Variants in GHR observed in about 807,000 individuals in gnomAD.
GHR encodes the protein growth hormone receptor.
Under a neutral mutation model 67.1 loss-of-function variants are expected in GHR, and 35 were observed. The observed-to-expected ratio is 0.52, with a 90% CI of 0.40 to 0.69. GHR has a LOEUF of 0.69. GHR is among the 30% of genes least tolerant of loss of function. The pLI is 0.00. For missense variants in GHR, 792 were observed against 764.6 expected, an observed-to-expected ratio of 1.04 and a Z score of -0.42; for synonymous variants, 272 against 269.1, an observed-to-expected ratio of 1.01 and a Z score of -0.10.
At chr5:42,678,592 A>C (rs914533422) in intron 3 of GHR, among the ~76,000 whole-genome samples, 18 of 152,354 alleles carry the variant, frequency 1.2e-4, no homozygotes, top group African/African-American at 4.3e-4. Context: ...AAATAATTTC[A>C]GGAGTAACTT....
Position 42,695,006 on chromosome 5 carries a change from C to T in GHR, c.356C>T (p.Thr119Ile). 6.2e-7 allele frequency: 1 copy of T among 1,609,154 alleles called. No homozygotes were observed. The highest frequency in any genetic ancestry group is 1.1e-5 in the South Asian group (1 of 90,966). The stretch of plus-strand genomic sequence containing the variant: ...AGCTGTTACTTTAATTCATCGTTTA[C>T]CTCCATCTGGATACCTTATTGTATC... ...ENSCYFNSSF[T>I]SIWIPYCIKL... Residue 119 changes from threonine (T) to isoleucine (I), a missense_variant, in exon 5 of 10, where the codon ACC (threonine) becomes ATC (isoleucine). Thr to Ile is a moderately conservative substitution (Grantham distance 89, BLOSUM62 -1). Transcript: ENST00000230882.
chr5:42,679,324 T>A (rs1756738619), intron 3 of GHR, among the ~76,000 whole-genome samples: 1 of 151,028 alleles, frequency 6.6e-6, no homozygotes, highest in Non-Finnish European at 1.5e-5. Context: ...ACCAGTGCAG[T>A]GGTTAAGAAT....
At chr5:42,434,155 C>T (rs1743221912) in intron 1 of GHR, among the ~76,000 whole-genome samples, 1 of 152,102 alleles carries the variant, frequency 6.6e-6, no homozygotes, top group African/African-American at 2.4e-5. Flanking sequence ...TTTACAATGG[C>T]AGAGCTGACC....
At chr5:42,661,457 C>T (rs1459789425) in intron 3 of GHR, among the ~76,000 whole-genome samples, 1 of 152,184 alleles carries the variant, frequency 6.6e-6, no homozygotes, top group Non-Finnish European at 1.5e-5. Flanking sequence ...ATTCAACATT[C>T]TTAAAGAAAA....
At chr5:42,685,990 G>T (rs1156863533) in intron 3 of GHR, among the ~76,000 whole-genome samples, 2 of 152,078 alleles carry the variant, frequency 1.3e-5, no homozygotes, top group African/African-American at 2.4e-5. Context: ...TATTGCTTTT[G>T]GTGTCTTAGT....
At chr5:42,653,495 T>G (rs1755106019) in intron 3 of GHR, among the ~76,000 whole-genome samples, 1 of 152,098 alleles carries the variant, frequency 6.6e-6, no homozygotes, top group Non-Finnish European at 1.5e-5. Context: ...AAAGTCATAT[T>G]GAGCTTGTGA....
rs545945657 is a variant in GHR, at chr5:42,468,386, C to G, written c.-12+44431C>G. On this transcript the variant is annotated intron_variant, in intron 1 of 9. Coordinates refer to ENST00000230882, the MANE Select transcript of GHR (RefSeq NM_000163.5). The stretch of plus-strand genomic sequence containing the variant: ...CTGCCCAGCACAGGTCAAACCCCAT[C>G]TAAGCTTTATGTTTCAAAAGCTTCT... The G allele has an allele frequency of 5.5e-6, 7 of 1,263,146 alleles. No homozygotes were observed. The East Asian group carries it at 1.4e-4, about 26-fold the overall frequency. 78.2% of individuals were successfully genotyped at this position (1,263,146 alleles called of 1,614,324 possible).
At chr5:42,555,560 T>G (rs1749261510) in intron 1 of GHR, among the ~76,000 whole-genome samples, 1 of 152,182 alleles carries the variant, frequency 6.6e-6, no homozygotes, top group African/African-American at 2.4e-5. Context: ...AGAATTATTC[T>G]GTCTGTGTGA....
rs11373491 is a variant in GHR at position 42,636,209 on chromosome 5, C to CAAA, written c.136+7128_136+7130dup. 2.5e-3 allele frequency among the ~76,000 whole-genome samples: 208 copies of CAAA among 81,856 alleles called. 4 individuals are homozygous for CAAA. The highest frequency in any genetic ancestry group is 7.7e-3 in the African/African-American group (166 of 21,506). The allele number at this position is 81,856 out of a possible 152,430, so 53.7% of individuals were successfully genotyped here. A position where few individuals can be genotyped will look rare whatever the true frequency, so the allele number is the denominator to read the frequency against. ...TGGGCGACAGAGCGAGACCCCGTTT[C>CAAA]AAAAAAAAAAAAAAAAAAAAAAAAT... On this transcript the variant is annotated intron_variant, in intron 3 of 9. Transcript: ENST00000230882.
At chr5:42,488,451 T>G (rs1745974848) in intron 1 of GHR, among the ~76,000 whole-genome samples, 1 of 152,236 alleles carries the variant, frequency 6.6e-6, no homozygotes, top group Non-Finnish European at 1.5e-5. Context: ...TCTTATTTGC[T>G]CTCTGAAATA....
chr5:42,540,704 C>T (rs1038758182), intron 1 of GHR, among the ~76,000 whole-genome samples: 14 of 152,028 alleles, frequency 9.2e-5, no homozygotes, highest in Middle Eastern at 6.8e-3. Context: ...CCACCGCCCC[C>T]GCTCTCAGGC....
chr5:42,681,581 C>T (rs887135693), intron 3 of GHR, among the ~76,000 whole-genome samples: 3 of 152,112 alleles, frequency 2.0e-5, no homozygotes, highest in African/African-American at 7.2e-5. Flanking sequence ...CTAGAAATAC[C>T]ATATGACCCA....
At chr5:42,581,687 C>T (rs188068707) in intron 2 of GHR, among the ~76,000 whole-genome samples, 19 of 152,262 alleles carry the variant, frequency 1.2e-4, no homozygotes, top group African/African-American at 4.3e-4. Flanking sequence ...CATCTGGAGC[C>T]GCTGCTGTGA....
At chr5:42,603,384 G>A (rs1752475486) in intron 2 of GHR, among the ~76,000 whole-genome samples, 1 of 152,030 alleles carries the variant, frequency 6.6e-6, no homozygotes, top group Non-Finnish European at 1.5e-5. Context: ...GGATCTGGAT[G>A]TTTATTTTCT....
intron 2 of GHR, among the ~76,000 whole-genome samples, chr5:42,622,200 G>A (rs1190908651): frequency 6.6e-6 from 1 of 152,132 alleles, no homozygotes; most frequent in Non-Finnish European, 1.5e-5. Context: ...GCTTCTTTGA[G>A]AATTGATCCC....
intron 1 of GHR, among the ~76,000 whole-genome samples, chr5:42,539,565 G>A (rs1274982340): frequency 6.6e-6 from 1 of 152,126 alleles, no homozygotes; most frequent in African/African-American, 2.4e-5. Context: ...CAGTATTTGG[G>A]GTGTCTCCTG....
Position 42,505,893 on chromosome 5 carries a change from C to T in GHR, c.-11-59971C>T, listed in dbSNP as rs551088910. ...GTTTTGGTAAGTCACTTAACTTTAT[C>T]ATACCATTCATGCATATTACCTATA... On this transcript the variant is annotated intron_variant, in intron 1 of 9. Coordinates refer to ENST00000230882, the MANE Select transcript of GHR (RefSeq NM_000163.5). 2.0e-5 allele frequency among the ~76,000 whole-genome samples: 3 copies of T among 152,256 alleles called. No homozygotes were observed. The South Asian group carries it at 6.2e-4, about 32-fold the overall frequency.
rs192252652 is a variant in GHR at position 42,627,865 on chromosome 5, C to T, written c.71-1173C>T. 8.5e-5 allele frequency among the ~76,000 whole-genome samples: 13 copies of T among 152,348 alleles called. No individual in the cohort carries two copies. The East Asian group carries it at 2.3e-3, about 27-fold the overall frequency. Reference sequence around the variant, plus strand: ...GGCAGAGGGCCAGTGTGACAGCTTTCTGTATCCCAAGCTCTTGCCCAGTGT... The same window carrying T: ...GGCAGAGGGCCAGTGTGACAGCTTTTTGTATCCCAAGCTCTTGCCCAGTGT... On this transcript the variant is annotated intron_variant, in intron 2 of 9. Transcript: ENST00000230882.
chr5:42,663,723 T>C (rs1328281984), intron 3 of GHR, among the ~76,000 whole-genome samples: 3 of 152,166 alleles, frequency 2.0e-5, no homozygotes, highest in Non-Finnish European at 2.9e-5. Context: ...CTATTCAACA[T>C]AGTGTTGGAA....
Sources: allele counts gnomAD v4.1 joint callset (sites outside exome capture counted in the v4.1 genomes callset), GRCh38; gene constraint gnomAD v4.1.1; transcripts MANE v1.5; gene names NCBI Gene and HGNC (gene_info 2026-07-23, HGNC 2026-07-21).